Variants in CDH13 observed in about 807,000 individuals in gnomAD.
CDH13 encodes cadherin-13.
Under a neutral mutation model 63.8 loss-of-function variants are expected in CDH13, and 24 were observed. The observed-to-expected ratio is 0.38, with a 90% CI of 0.27 to 0.53. CDH13 has a LOEUF of 0.53. Ranked by LOEUF, CDH13 falls within the 20% of genes least tolerant of loss-of-function variation. The pLI, the probability that CDH13 is intolerant of heterozygous loss-of-function variation, is 0.85. For synonymous variants in CDH13, 503 were observed against 355.3 expected, an observed-to-expected ratio of 1.42 and a Z score of -4.67; for missense variants, 1,049 against 903.1, an observed-to-expected ratio of 1.16 and a Z score of -2.07.
chr16:83,690,234 T>C (rs1051248635), intron 10 of CDH13, among the ~76,000 whole-genome samples: 3 of 151,606 alleles, frequency 2.0e-5, no homozygotes, highest in African/African-American at 4.9e-5. Context: ...AGAGAGAAAA[T>C]GAATGAGAGA....
chr16:83,685,675 G>T (rs1024438948), intron 10 of CDH13, among the ~76,000 whole-genome samples: 4 of 152,186 alleles, frequency 2.6e-5, no homozygotes, highest in African/African-American at 9.7e-5. Context: ...AGGGAAGAAG[G>T]AATGAAATAA....
At chr16:83,589,897 G>A (rs1906566654) in intron 7 of CDH13, among the ~76,000 whole-genome samples, 3 of 146,614 alleles carry the variant, frequency 2.0e-5, no homozygotes, top group Non-Finnish European at 4.5e-5. Context: ...TGCTTGAAGT[G>A]ATTATCTTCC....
At chr16:82,724,128 G>T (rs953851841) in intron 1 of CDH13, among the ~76,000 whole-genome samples, 4 of 152,114 alleles carry the variant, frequency 2.6e-5, no homozygotes, top group Non-Finnish European at 5.9e-5. Context: ...CTACAATTGT[G>T]CAGGGTAAAG....
At chr16:83,555,901 C>T (rs1490434435) in intron 7 of CDH13, among the ~76,000 whole-genome samples, 1 of 152,290 alleles carries the variant, frequency 6.6e-6, no homozygotes, top group African/African-American at 2.4e-5. Context: ...TTTCTATCAG[C>T]TTCTTATGCT....
chr16:82,939,622 G>T (rs1216892662), intron 2 of CDH13, among the ~76,000 whole-genome samples: 1 of 151,376 alleles, frequency 6.6e-6, no homozygotes, highest in Admixed American at 6.6e-5. Flanking sequence ...TGTAAAAATT[G>T]AATGTTAACA....
intron 1 of CDH13, among the ~76,000 whole-genome samples, chr16:82,817,674 G>A (rs975304589): frequency 1.3e-4 from 19 of 151,980 alleles, no homozygotes; most frequent in African/African-American, 4.4e-4. Flanking sequence ...GTGTGGTGGT[G>A]CACACCTGTA....
chr16:83,059,589 G>C (rs1178857153), intron 3 of CDH13, among the ~76,000 whole-genome samples: 1 of 152,016 alleles, frequency 6.6e-6, no homozygotes, highest in South Asian at 2.1e-4. Context: ...GGCACAAGAC[G>C]GTTTGGCCAC....
At chr16:83,700,957 TAC>T (rs577685242) in intron 10 of CDH13, among the ~76,000 whole-genome samples, 21 of 152,292 alleles carry the variant, frequency 1.4e-4, no homozygotes, top group South Asian at 1.2e-3. Flanking sequence ...GGAATCTATT[TAC>T]ACCCTCTTCC....
At chr16:82,776,451 G>A (rs1330885330) in intron 1 of CDH13, among the ~76,000 whole-genome samples, 1 of 152,166 alleles carries the variant, frequency 6.6e-6, no homozygotes, top group Non-Finnish European at 1.5e-5. Context: ...CATGCTTAGT[G>A]GGAGTCTCTG....
intron 10 of CDH13, chr16:83,726,111 T>G (rs1910354264): frequency 6.6e-6 from 1 of 152,254 alleles, no homozygotes; most frequent in African/African-American, 2.4e-5. Flanking sequence ...AACTGGACCT[T>G]GGTCTGAATC....
intron 3 of CDH13, among the ~76,000 whole-genome samples, chr16:83,102,331 G>T (rs2034519895): frequency 6.6e-6 from 1 of 152,216 alleles, no homozygotes; most frequent in South Asian, 2.1e-4. Flanking sequence ...GCAGCCATTG[G>T]AAACTAATAC....
chr16:83,021,957 G>A (rs1396047588), intron 2 of CDH13, among the ~76,000 whole-genome samples: 3 of 152,222 alleles, frequency 2.0e-5, no homozygotes, highest in Admixed American at 6.5e-5. Flanking sequence ...TTGAACGTAT[G>A]TTAATGAAGG....
intron 3 of CDH13, among the ~76,000 whole-genome samples, chr16:83,051,239 C>G (rs1309706934): frequency 6.6e-6 from 1 of 152,170 alleles, no homozygotes; most frequent in East Asian, 1.9e-4. Flanking sequence ...AATTCCCTGT[C>G]ATTCATGTGA....
At chr16:83,123,043 G>T (rs569750641) in intron 3 of CDH13, among the ~76,000 whole-genome samples, 1 of 152,108 alleles carries the variant, frequency 6.6e-6, no homozygotes, top group East Asian at 1.9e-4. Flanking sequence ...TTCTGTTTGA[G>T]TTATTTCCTT....
chr16:82,643,567 A>T (rs181552134), intron 1 of CDH13, among the ~76,000 whole-genome samples: 1 of 152,224 alleles, frequency 6.6e-6, no homozygotes, highest in Non-Finnish European at 1.5e-5. Context: ...TTGGAACTGC[A>T]GGTCACCTTG....
At position 83,686,626 on chromosome 16, in the gene CDH13, C is replaced by T. The variant is rs147213193; in HGVS notation, c.1538+8165C>T. ...TGGATAAATTATAAGTGATTATTAGCAGAATATTTCTTATGGCACAGTAAT... is the reference window on the plus strand; with the variant it reads ...TGGATAAATTATAAGTGATTATTAGTAGAATATTTCTTATGGCACAGTAAT... On this transcript the variant is annotated intron_variant, in intron 10 of 13. Coordinates refer to ENST00000567109, the MANE Select transcript of CDH13 (RefSeq NM_001257.5). 9.0e-3 allele frequency among the ~76,000 whole-genome samples: 1,374 copies of T among 152,246 alleles called. 66 individuals carry two copies. Among genetic ancestry groups the T allele is most frequent in the Admixed American group, 0.07 (1,078 of 15,308 alleles).
intron 5 of CDH13, among the ~76,000 whole-genome samples, chr16:83,236,783 G>A (rs2040157417): frequency 6.6e-6 from 1 of 152,050 alleles, no homozygotes; most frequent in African/African-American, 2.4e-5. Context: ...AGTAGGTTAA[G>A]CCATAGAAAC....
rs568312162 is a variant in CDH13 at position 83,224,517 on chromosome 16, T to A, written c.636+7020T>A. On this transcript the variant is annotated intron_variant, in intron 5 of 13. Transcript: ENST00000567109. ...CACTTCTGTCATCATTAGGGTCCTA[T>A]CAATCAATAACACACATGTGACCTA... Among the ~76,000 whole-genome samples, 32 of 152,288 alleles carry A rather than the reference T, an allele frequency of 2.1e-4. 1 individual carries two copies. Among genetic ancestry groups the A allele is most frequent in the African/African-American group, 7.5e-4 (31 of 41,568 alleles).
intron 2 of CDH13, among the ~76,000 whole-genome samples, chr16:83,006,796 G>C (rs72794167): frequency 0.025 from 3,745 of 152,258 alleles, 62 homozygotes; most frequent in South Asian, 0.05. Flanking sequence ...GGATGTTTTA[G>C]AATAGAATAA....
Sources: allele counts gnomAD v4.1 joint callset (sites outside exome capture counted in the v4.1 genomes callset), GRCh38; gene constraint gnomAD v4.1.1; transcripts MANE v1.5; gene names NCBI Gene and HGNC (gene_info 2026-07-23, HGNC 2026-07-21).